The following MTBP variants were observed in gnomAD, a reference collection of about 807,000 sequenced individuals.
The protein encoded by MTBP is MDM2 binding protein.
In MTBP, 101 loss-of-function variants were observed where a neutral mutation model predicts 117.0. That is an observed-to-expected ratio of 0.86 (90% CI 0.73 to 1.02). The LOEUF (loss-of-function observed/expected upper bound fraction) is 1.02. MTBP is among the 50% of genes least tolerant of loss of function. The pLI, the probability that MTBP is intolerant of heterozygous loss-of-function variation, is 0.00. For missense variants in MTBP, 970 were observed against 1,030.9 expected, an observed-to-expected ratio of 0.94 and a Z score of 0.81; for synonymous variants, 350 against 351.5, an observed-to-expected ratio of 1.00 and a Z score of 0.05.
At chr8:120,454,149 A>C (rs1218454596) in intron 5 of MTBP, among the ~76,000 whole-genome samples, 3 of 152,100 alleles carry the variant, frequency 2.0e-5, no homozygotes, top group Admixed American at 1.3e-4. Flanking sequence ...TTAAATAACT[A>C]TCTCTGTTTC....
At chr8:120,520,577 T>A (rs1814994579) in intron 20 of MTBP, among the ~76,000 whole-genome samples, 1 of 152,132 alleles carries the variant, frequency 6.6e-6, no homozygotes, top group Non-Finnish European at 1.5e-5. Flanking sequence ...AGCCAATGAA[T>A]GAAAATTCTT....
rs149206753 is a variant in MTBP at position 120,516,151 on chromosome 8, C to A, written c.2206C>A (p.Arg736=). The A allele has an allele frequency of 9.3e-6, 15 of 1,612,038 alleles. No homozygotes were observed. Among genetic ancestry groups the A allele is most frequent in the Non-Finnish European group, 8.5e-7 (1 of 1,178,730 alleles). The change falls in exon 18 of 22, where the codon CGG becomes AGG. Residue 736 remains arginine (R), a synonymous_variant. Coordinates refer to ENST00000305949, the MANE Select transcript of MTBP (RefSeq NM_022045.5). ...TCGAACTGAAGTATCCCGATTGAAA[C>A]GGAGATCTAAAGATCTGAATTGCCT... is the stretch of plus-strand genomic sequence containing the variant. ...ELRTEVSRLK[R]RSKDLNCLYP...
At chr8:120,514,228 C>T (rs1814874744) in intron 17 of MTBP, among the ~76,000 whole-genome samples, 1 of 151,980 alleles carries the variant, frequency 6.6e-6, no homozygotes, top group South Asian at 2.1e-4. Context: ...CAAGAGCACC[C>T]AAAGTCTAGT....
At chr8:120,482,235 A>T (rs1283032027) in intron 11 of MTBP, among the ~76,000 whole-genome samples, 1 of 152,186 alleles carries the variant, frequency 6.6e-6, no homozygotes, top group Non-Finnish European at 1.5e-5. Context: ...ACTGTCACTG[A>T]AGAATCCTTT....
At chr8:120,463,449 G>A (rs186080884) in intron 9 of MTBP, among the ~76,000 whole-genome samples, 82 of 152,076 alleles carry the variant, frequency 5.4e-4, no homozygotes, top group African/African-American at 2.0e-3. Context: ...TAAATTTCTT[G>A]TTCTTATAGT....
chr8:120,457,466 C>A (rs1813492943), intron 7 of MTBP, among the ~76,000 whole-genome samples: 1 of 152,096 alleles, frequency 6.6e-6, no homozygotes, highest in Non-Finnish European at 1.5e-5. Flanking sequence ...ATTTTTCTTC[C>A]TTTTTAATTC....
At chr8:120,502,289 A>AT (rs1260914359) in intron 14 of MTBP, among the ~76,000 whole-genome samples, 2 of 152,140 alleles carry the variant, frequency 1.3e-5, no homozygotes, top group African/African-American at 2.4e-5. Context: ...GTGATATTTT[A>AT]TTTTTATTTG....
At position 120,467,609 on chromosome 8, in the gene MTBP, AAAG is replaced by A. The variant is rs757538655; in HGVS notation, c.1048-3209_1048-3207del. On this transcript the variant is annotated intron_variant, in intron 10 of 21. Coordinates refer to ENST00000305949, the MANE Select transcript of MTBP (RefSeq NM_022045.5). ...CAACAGGGTGAGATTGTCTCAAAAA[AAAG>A]ATTTTGAAACTCAGATTTGAAATGT... is the stretch of plus-strand genomic sequence containing the variant. Among the ~76,000 whole-genome samples the A allele has an allele frequency of 4.6e-5, 7 of 152,182 alleles. 1 individual carries two copies. The highest frequency in any genetic ancestry group is 1.0e-4 in the Non-Finnish European group (7 of 68,030).
Position 120,522,691 on chromosome 8 carries a change from A to G in MTBP, c.2648A>G (p.Lys883Arg), listed in dbSNP as rs1815025088. Residue 883 changes from lysine (K) to arginine (R), a missense_variant, in exon 21 of 22, where the codon AAG becomes AGG. Lys to Arg is a conservative substitution (Grantham distance 26). Transcript: ENST00000305949. ...KTSRGLFEEMKKTANNNAVQV... is the reference protein window; with the variant it reads ...KTSRGLFEEMRKTANNNAVQV... ...TCAAGGGGTCTATTTGAAGAAATGA[A>G]GAAAACAGCAAACAACAATGCTGTA... is the stretch of plus-strand genomic sequence containing the variant. 2 of 1,606,878 alleles carry G rather than the reference A, an allele frequency of 1.2e-6. No homozygotes were observed. The highest frequency in any genetic ancestry group is 2.2e-5 in the South Asian group (2 of 90,240).
At chr8:120,495,277 G>A (rs148064750) in intron 13 of MTBP, among the ~76,000 whole-genome samples, 109 of 152,192 alleles carry the variant, frequency 7.2e-4, no homozygotes, top group African/African-American at 2.4e-3. Flanking sequence ...GCTTTGCTAT[G>A]TTTCTGTTGC....
intron 14 of MTBP, among the ~76,000 whole-genome samples, chr8:120,501,190 CAAAAAAAAAA>C (rs59706254): frequency 6.5e-5 from 3 of 45,952 alleles, no homozygotes; most frequent in Non-Finnish European, 1.1e-4. Flanking sequence ...AACTCCATCT[CAAAAAAAAAA>C]AAAAAAAAAA....
intron 11 of MTBP, among the ~76,000 whole-genome samples, chr8:120,482,850 C>T (rs1389009536): frequency 6.6e-6 from 1 of 151,944 alleles, no homozygotes; most frequent in Non-Finnish European, 1.5e-5. Context: ...CAGGCACATG[C>T]CACCACGCCC....
At chr8:120,449,798 A>G (rs1398793070) in intron 2 of MTBP, among the ~76,000 whole-genome samples, 1 of 152,228 alleles carries the variant, frequency 6.6e-6, no homozygotes, top group African/African-American at 2.4e-5. Context: ...CTGAGAGGTC[A>G]AATAACAACA....
intron 16 of MTBP, among the ~76,000 whole-genome samples, chr8:120,507,274 G>T (rs554091745): frequency 6.6e-6 from 1 of 152,120 alleles, no homozygotes; most frequent in Non-Finnish European, 1.5e-5. Flanking sequence ...CAAAAAGCAT[G>T]GCCTTTCACC....
Position 120,516,168 on chromosome 8 carries a change from G to C in MTBP, c.2223G>C (p.Leu741=). 6.2e-7 allele frequency: 1 copy of C among 1,611,760 alleles called. No homozygotes were observed. Among genetic ancestry groups the C allele is most frequent in the Non-Finnish European group, 8.5e-7 (1 of 1,178,468 alleles). Residue 741 remains leucine (L), a synonymous_variant, in exon 18 of 22, where the codon CTG becomes CTC. Transcript: ENST00000305949. ...GATTGAAACGGAGATCTAAAGATCT[G>C]AATTGCCTTTATCCCAGAAAAAGGT... ...VSRLKRRSKD[L]NCLYPRKRLV...
intron 4 of MTBP, chr8:120,451,609 G>A (rs972595094): frequency 3.4e-6 from 1 of 293,090 alleles, no homozygotes; most frequent in African/African-American, 2.2e-5. Context: ...TTGAAACAGG[G>A]TCTTGCTGTG....
chr8:120,480,806 C>T (rs1165237623), intron 11 of MTBP, among the ~76,000 whole-genome samples: 1 of 151,892 alleles, frequency 6.6e-6, no homozygotes, highest in Non-Finnish European at 1.5e-5. Context: ...ACATAGATAA[C>T]AAATCTATAA....
intron 17 of MTBP, among the ~76,000 whole-genome samples, chr8:120,513,116 T>C (rs1412638089): frequency 6.6e-6 from 1 of 152,104 alleles, no homozygotes; most frequent in Non-Finnish European, 1.5e-5. Context: ...ATGCCATTAA[T>C]TGTAAAATAC....
intron 13 of MTBP, among the ~76,000 whole-genome samples, chr8:120,494,289 G>A (rs527566796): frequency 3.2e-4 from 49 of 152,292 alleles, no homozygotes; most frequent in Non-Finnish European, 6.2e-4. Context: ...ATTAATAAAT[G>A]TGCGTTTTGT....
Sources: gnomAD v4.1 joint callset for allele counts (sites outside exome capture counted in the v4.1 genomes callset) on GRCh38, gnomAD v4.1.1 for gene constraint, MANE v1.5 for transcripts, NCBI Gene and HGNC (gene_info 2026-07-23, HGNC 2026-07-21) for gene names.